Variants in LRP1B observed in about 807,000 individuals in gnomAD.
The protein encoded by LRP1B is low-density lipoprotein receptor-related protein 1B.
LRP1B carries 217 observed loss-of-function variants against 556.6 expected under a neutral mutation model. The ratio of observed to expected loss-of-function variants is 0.39; its 90% CI spans 0.35 to 0.44. The LOEUF is 0.44. Ranked by LOEUF, LRP1B falls within the 20% of genes least tolerant of loss-of-function variation. LRP1B has a pLI of 1.00. For missense variants in LRP1B, 5,053 were observed against 5,620.8 expected (o/e 0.90, Z 3.23); for synonymous variants, 2,047 against 1,865.8 (o/e 1.10, Z -2.50).
intron 3 of LRP1B, among the ~76,000 whole-genome samples, chr2:141,339,614 T>C (rs1025279293): frequency 6.6e-6 from 1 of 152,182 alleles, no homozygotes; most frequent in African/African-American, 2.4e-5. Flanking sequence ...TGGTTAGTGA[T>C]ACAAGTCAGC....
chr2:141,092,459 G>T (rs1700192689), intron 7 of LRP1B, among the ~76,000 whole-genome samples: 1 of 152,140 alleles, frequency 6.6e-6, no homozygotes, highest in South Asian at 2.1e-4. Flanking sequence ...TATATGTTTG[G>T]ATGTACACAT....
At chr2:141,381,689 A>G (rs1396792192) in intron 3 of LRP1B, among the ~76,000 whole-genome samples, 1 of 152,186 alleles carries the variant, frequency 6.6e-6, no homozygotes. Flanking sequence ...GACAGTCAAG[A>G]AATTTTTCAG....
At chr2:141,759,733 CT>C (rs1385837586) in intron 2 of LRP1B, among the ~76,000 whole-genome samples, 10 of 152,050 alleles carry the variant, frequency 6.6e-5, no homozygotes, top group Non-Finnish European at 1.2e-4. Context: ...AATGGATGGT[CT>C]TTTAAAATAT....
chr2:140,555,569 A>C lies in LRP1B; in HGVS notation c.7195-13598T>G, dbSNP rs560472111. Among the ~76,000 whole-genome samples, 12 of 152,240 alleles carry C rather than the reference A, an allele frequency of 7.9e-5. No individual in the cohort carries two copies. The South Asian group carries it at 1.5e-3, about 18-fold the overall frequency. On this transcript the variant is annotated intron_variant, in intron 43 of 90. Transcript: ENST00000389484. ...TTAATAATTGTTAGCTATAATTATT[A>C]ATATTCTTGCCTGAATATTGTAGGA...
intron 3 of LRP1B, among the ~76,000 whole-genome samples, chr2:141,370,143 C>T (rs1300925656): frequency 2.0e-5 from 3 of 151,982 alleles, no homozygotes; most frequent in Non-Finnish European, 4.4e-5. Flanking sequence ...TATTTCTTTT[C>T]CTTGAGTATC....
intron 3 of LRP1B, among the ~76,000 whole-genome samples, chr2:141,261,835 T>G (rs957179161): frequency 6.6e-6 from 1 of 152,208 alleles, no homozygotes; most frequent in Admixed American, 6.5e-5. Flanking sequence ...TTACTATGCA[T>G]TAAGTCTCTA....
intron 3 of LRP1B, among the ~76,000 whole-genome samples, chr2:141,275,373 G>A (rs1573742138): frequency 6.6e-6 from 1 of 152,138 alleles, no homozygotes; most frequent in East Asian, 1.9e-4. Flanking sequence ...TCATCTTTCA[G>A]TAGGGAGGGA....
At chr2:140,478,243 G>A (rs558845346) in intron 59 of LRP1B, among the ~76,000 whole-genome samples, 3 of 149,928 alleles carry the variant, frequency 2.0e-5, no homozygotes, top group Admixed American at 1.3e-4. Flanking sequence ...TCCGCCTCCC[G>A]GGTTCACGCC....
intron 23 of LRP1B, among the ~76,000 whole-genome samples, chr2:140,896,215 A>G (rs1168315595): frequency 6.6e-6 from 1 of 152,142 alleles, no homozygotes; most frequent in Non-Finnish European, 1.5e-5. Flanking sequence ...TGAATTAAAG[A>G]GGGAAAATGT....
intron 55 of LRP1B, 72 bp from the exon 56 acceptor site, chr2:140,495,820 G>T: frequency 2.4e-6 from 3 of 1,271,948 alleles, no homozygotes; most frequent in South Asian, 1.5e-5. Context: ...TATCTCTTTA[G>T]CATTAAGCAA....
intron 11 of LRP1B, among the ~76,000 whole-genome samples, chr2:141,041,686 G>C (rs1347427844): frequency 6.6e-6 from 1 of 152,030 alleles, no homozygotes; most frequent in Non-Finnish European, 1.5e-5. Flanking sequence ...AGTGAATATG[G>C]TTAACACTAA....
At chr2:141,444,153 G>A (rs1020999530) in intron 3 of LRP1B, among the ~76,000 whole-genome samples, 2 of 152,058 alleles carry the variant, frequency 1.3e-5, no homozygotes, top group African/African-American at 4.8e-5. Context: ...CACATCCCTT[G>A]TAACTTGTAT....
chr2:140,465,553 A>G (rs974762892), intron 60 of LRP1B, among the ~76,000 whole-genome samples: 3 of 152,146 alleles, frequency 2.0e-5, no homozygotes, highest in Non-Finnish European at 4.4e-5. Context: ...TTAGGAAGTA[A>G]CTGGACCTGA....
chr2:141,257,206 G>T (rs1370721190), intron 3 of LRP1B, among the ~76,000 whole-genome samples: 1 of 152,012 alleles, frequency 6.6e-6, no homozygotes, highest in Non-Finnish European at 1.5e-5. Flanking sequence ...TGAAGACAAA[G>T]GTGAATGTAA....
chr2:140,571,486 A>C (rs1681319902), intron 43 of LRP1B, among the ~76,000 whole-genome samples: 1 of 151,884 alleles, frequency 6.6e-6, no homozygotes. Context: ...GAAAACTATA[A>C]AACACTGATA....
intron 1 of LRP1B, among the ~76,000 whole-genome samples, chr2:142,047,901 T>C (rs917012516): frequency 1.3e-5 from 2 of 151,994 alleles, no homozygotes; most frequent in African/African-American, 4.8e-5. Context: ...GGACAATAAA[T>C]AAATAAACCT....
intron 55 of LRP1B, among the ~76,000 whole-genome samples, chr2:140,497,866 T>C (rs1469452590): frequency 6.6e-6 from 1 of 151,950 alleles, no homozygotes; most frequent in Non-Finnish European, 1.5e-5. Flanking sequence ...AATTGATTAA[T>C]GTTACTATAA....
chr2:141,427,014 A>G (rs1680390962), intron 3 of LRP1B, among the ~76,000 whole-genome samples: 1 of 152,112 alleles, frequency 6.6e-6, no homozygotes, highest in Admixed American at 6.5e-5. Context: ...TCCTAGTGCT[A>G]TCCCACCCCT....
intron 20 of LRP1B, among the ~76,000 whole-genome samples, chr2:140,925,486 C>T (rs1694859018): frequency 6.6e-6 from 1 of 152,000 alleles, no homozygotes. Context: ...TCGTTGAAAA[C>T]AAAACAAAAC....
Sources: allele counts gnomAD v4.1 joint callset (sites outside exome capture counted in the v4.1 genomes callset), GRCh38; gene constraint gnomAD v4.1.1; transcripts MANE v1.5; gene names NCBI Gene and HGNC (gene_info 2026-07-23, HGNC 2026-07-21).